Variants in NTM observed in about 807,000 individuals in gnomAD.
The protein encoded by NTM is neurotrimin.
NTM carries 13 observed loss-of-function variants against 42.1 expected under a neutral mutation model. The observed-to-expected ratio is 0.31, with a 90% CI of 0.20 to 0.49. NTM has a LOEUF of 0.49. Ranked by LOEUF, NTM falls within the 20% of genes least tolerant of loss-of-function variation. The pLI is 0.99. For synonymous variants in NTM, 187 were observed against 179.2 expected (o/e 1.04, Z -0.35); for missense variants, 373 against 452.8 (o/e 0.82, Z 1.60).
chr11:131,530,420 T>C (rs1442220892), intron 1 of NTM, among the ~76,000 whole-genome samples: 2 of 136,984 alleles, frequency 1.5e-5, no homozygotes, highest in African/African-American at 6.5e-5. Flanking sequence ...GTTGAGTGCC[T>C]TTCTCAAAAA....
chr11:131,625,837 G>A (rs190595927), intron 1 of NTM, among the ~76,000 whole-genome samples: 1 of 152,224 alleles, frequency 6.6e-6, no homozygotes, highest in East Asian at 1.9e-4. Flanking sequence ...TCTGTGGCTG[G>A]CTTCCTCTGT....
chr11:132,056,939 T>A, intron 2 of NTM, among the ~76,000 whole-genome samples: 1 of 152,222 alleles, frequency 6.6e-6, no homozygotes. Flanking sequence ...ACCAGACAGC[T>A]TCTTGGTTCC....
rs2070460869 is a variant in NTM, at chr11:132,146,569, A to G, written c.400+55A>G. 3 of 1,580,240 alleles carry G rather than the reference A, an allele frequency of 1.9e-6. No homozygotes were observed. The highest frequency in any genetic ancestry group is 2.6e-6 in the Non-Finnish European group (3 of 1,157,846). The stretch of plus-strand genomic sequence containing the variant: ...TGGCTGGCCAGCCTGGAAAGCCTTC[A>G]GGTAAAGGTTTGTTCTCTGATCCTC... On this transcript the variant is annotated intron_variant, in intron 3 of 8. Transcript: ENST00000683400. This position sits in a 1 kb window ranked among gnomAD's most constrained non-coding sequence, Gnocchi z 4.5.
intron 2 of NTM, among the ~76,000 whole-genome samples, chr11:132,096,973 C>G (rs1028610129): frequency 6.6e-6 from 1 of 152,124 alleles, no homozygotes; most frequent in Non-Finnish European, 1.5e-5. Context: ...ATAGTAGGCA[C>G]TAAATAAATT....
At chr11:131,482,090 C>T (rs1430649489) in intron 1 of NTM, among the ~76,000 whole-genome samples, 1 of 152,144 alleles carries the variant, frequency 6.6e-6, no homozygotes, top group African/African-American at 2.4e-5. Flanking sequence ...GCCAAGGGAC[C>T]CAAGGTTAAT....
At chr11:131,884,603 A>G (rs914556855) in intron 1 of NTM, among the ~76,000 whole-genome samples, 3 of 152,272 alleles carry the variant, frequency 2.0e-5, no homozygotes, top group East Asian at 1.9e-4. Flanking sequence ...AACCACTATG[A>G]CATTCCACAA....
At chr11:131,718,492 A>T (rs2077963824) in intron 1 of NTM, among the ~76,000 whole-genome samples, 2 of 152,070 alleles carry the variant, frequency 1.3e-5, no homozygotes, top group East Asian at 3.9e-4. Flanking sequence ...ATGCCTCATG[A>T]ATTATTGGGT....
intron 2 of NTM, among the ~76,000 whole-genome samples, chr11:131,916,252 T>C (rs543270518): frequency 6.6e-6 from 1 of 152,318 alleles, no homozygotes; most frequent in South Asian, 2.1e-4. Context: ...TGCATGGGTG[T>C]CATTCACTTA....
At chr11:131,647,632 G>A (rs2065927531) in intron 1 of NTM, among the ~76,000 whole-genome samples, 1 of 152,108 alleles carries the variant, frequency 6.6e-6, no homozygotes. Context: ...TTTAATAAAC[G>A]AGAGAATTAA....
rs561729345 is a variant in NTM, at chr11:131,799,435, TTTTA to T, written c.83-112118_83-112115del. 7.2e-3 allele frequency among the ~76,000 whole-genome samples: 1,102 copies of T among 152,180 alleles called. 7 individuals carry two copies. Among genetic ancestry groups the T allele is most frequent in the African/African-American group, 0.025 (1,027 of 41,518 alleles). ...AGGTGTACAAACAAATCAAAAAGGATTTTATTTATTTATTCTATATCCTCAGGTA... is the reference window on the plus strand; with the variant it reads ...AGGTGTACAAACAAATCAAAAAGGATTTTATTTATTCTATATCCTCAGGTA... On this transcript the variant is annotated intron_variant, in intron 1 of 8. Transcript: ENST00000683400.
rs113707403 is a variant in NTM, at chr11:131,652,787, C to T, written c.83-258777C>T. 2.8e-4 allele frequency among the ~76,000 whole-genome samples: 43 copies of T among 152,312 alleles called. 1 individual carries two copies. Among genetic ancestry groups the T allele is most frequent in the African/African-American group, 9.4e-4 (39 of 41,556 alleles). On this transcript the variant is annotated intron_variant, in intron 1 of 8. Transcript: ENST00000683400. ...GAATAGACACAATAGGATTGCTCCA[C>T]GCTGCAGCAGGGCAGGAATCTGAGC...
intron 7 of NTM, among the ~76,000 whole-genome samples, chr11:132,328,725 TTCC>T (rs1207724411): frequency 6.6e-6 from 1 of 152,132 alleles, no homozygotes; most frequent in African/African-American, 2.4e-5. Flanking sequence ...TAGTCTGTCC[TTCC>T]TCCTTCCAGT....
chr11:131,494,175 GTTATTA>G (rs904957547), intron 1 of NTM, among the ~76,000 whole-genome samples: 1 of 151,988 alleles, frequency 6.6e-6, no homozygotes, highest in Non-Finnish European at 1.5e-5. Context: ...TGTTACTATT[GTTATTA>G]TTATTATTTT....
intron 1 of NTM, among the ~76,000 whole-genome samples, chr11:131,852,901 C>CCCAT (rs201278873): frequency 4.1e-5 from 6 of 145,406 alleles, no homozygotes; most frequent in East Asian, 2.0e-4. Context: ...CATCCACCCA[C>CCCAT]CCATCCATCC....
intron 1 of NTM, among the ~76,000 whole-genome samples, chr11:131,691,876 C>T (rs1195182920): frequency 6.6e-6 from 1 of 152,236 alleles, no homozygotes; most frequent in Non-Finnish European, 1.5e-5. Flanking sequence ...CAAAACAAGA[C>T]TGCTGGGCGA....
At chr11:131,882,660 G>A (rs1235304013) in intron 1 of NTM, among the ~76,000 whole-genome samples, 1 of 151,918 alleles carries the variant, frequency 6.6e-6, no homozygotes, top group Non-Finnish European at 1.5e-5. Flanking sequence ...CTTCCATGAT[G>A]GGAGAAGTTG....
At chr11:131,781,971 T>A (rs919072064) in intron 1 of NTM, among the ~76,000 whole-genome samples, 1 of 152,234 alleles carries the variant, frequency 6.6e-6, no homozygotes, top group Non-Finnish European at 1.5e-5. Flanking sequence ...AGGGTGAACC[T>A]GCACACAGCA....
At chr11:132,173,208 C>T (rs1051857410) in intron 3 of NTM, among the ~76,000 whole-genome samples, 2 of 152,188 alleles carry the variant, frequency 1.3e-5, no homozygotes, top group African/African-American at 4.8e-5. Flanking sequence ...ATTATAGTCA[C>T]TCCATATATT....
chr11:132,104,937 GTATATATATATA>G (rs534897526), intron 2 of NTM, among the ~76,000 whole-genome samples: 3,803 of 61,804 alleles, frequency 0.062, 513 homozygotes, highest in Non-Finnish European at 0.066. Flanking sequence ...ATATACATAT[GTATATATATATA>G]TATATATATA....
Sources: allele counts gnomAD v4.1 joint callset (sites outside exome capture counted in the v4.1 genomes callset), GRCh38; gene constraint gnomAD v4.1.1; non-coding constraint Gnocchi (gnomAD v3.1); transcripts MANE v1.5; gene names NCBI Gene and HGNC (gene_info 2026-07-23, HGNC 2026-07-21).